ASXL2: variants seen among roughly 807,000 people sequenced by gnomAD.
ASXL2 encodes the protein putative Polycomb group protein ASXL2.
ASXL2 carries 23 observed loss-of-function variants against 122.0 expected under a neutral mutation model. That is an observed-to-expected ratio of 0.19 (90% CI 0.14 to 0.27). The LOEUF (loss-of-function observed/expected upper bound fraction) is 0.27. ASXL2 is among the 10% of genes least tolerant of loss of function. ASXL2 has a pLI of 1.00. For missense variants in ASXL2, 1,518 were observed against 1,713.8 expected, an observed-to-expected ratio of 0.89 and a Z score of 2.02; for synonymous variants, 650 against 637.0, an observed-to-expected ratio of 1.02 and a Z score of -0.31.
intron 11 of ASXL2, 145 bp from the exon 12 acceptor site, chr2:25,750,558 T>A: frequency 1.3e-6 from 1 of 742,896 alleles, no homozygotes; most frequent in Non-Finnish European, 2.1e-6. Flanking sequence ...CTATTAGTAG[T>A]AGTGAAAGTT....
At chr2:25,856,763 C>A in intron 1 of ASXL2, 1 of 1,299,798 alleles carries the variant, frequency 7.7e-7, no homozygotes, top group Non-Finnish European at 1.1e-6. Context: ...AGCTGCAGAC[C>A]TTCTTCTCAA....
At position 25,736,365 on chromosome 2, in the gene ASXL2, T is replaced by C. The variant is rs562968249; in HGVS notation, c.*5664A>G. 2.6e-5 allele frequency: 4 copies of C among 152,344 alleles called. No individual in the cohort carries two copies. In the East Asian group the frequency reaches 7.7e-4, roughly 29 times the overall value. 9.4% of individuals were successfully genotyped at this position (152,344 alleles called of 1,614,324 possible). On this transcript the variant is annotated 3_prime_UTR_variant, in exon 13 of 13. Transcript: ENST00000435504. ...AGACCCATCTAAATAATGATAAATATGTACCAGAAATGGGGAGTCAATCTT... is the reference window on the plus strand; with the variant it reads ...AGACCCATCTAAATAATGATAAATACGTACCAGAAATGGGGAGTCAATCTT...
Position 25,744,934 on chromosome 2 carries a change from T to TA in ASXL2, c.1861-459_1861-458insT, listed in dbSNP as rs1559498824. On this transcript the variant is annotated intron_variant, in intron 12 of 12. Transcript: ENST00000435504. The surrounding 1 kb of genome is among the most constrained non-coding windows in gnomAD (Gnocchi z 4.7). The stretch of plus-strand genomic sequence containing the variant: ...GGGGAAAATACTTGCTCTTCTCTGT[T>TA]CCACACACACACACACACACACACA... 2.6e-4 allele frequency among the ~76,000 whole-genome samples: 27 copies of TA among 102,718 alleles called. No individual in the cohort carries two copies. The highest frequency in any genetic ancestry group is 3.5e-4 in the South Asian group (1 of 2,852). 67.4% of individuals were successfully genotyped at this position (102,718 alleles called of 152,430 possible). A position where few individuals can be genotyped will look rare whatever the true frequency, so the allele number is the denominator to read the frequency against.
intron 8 of ASXL2, among the ~76,000 whole-genome samples, chr2:25,762,142 GA>G (rs2088262984): frequency 6.6e-6 from 1 of 152,032 alleles, no homozygotes; most frequent in South Asian, 2.1e-4. Context: ...TTACTTTTAA[GA>G]ATTAAAGACA....
intron 5 of ASXL2, among the ~76,000 whole-genome samples, chr2:25,773,375 C>G (rs1238039996): frequency 2.6e-5 from 4 of 151,488 alleles, no homozygotes; most frequent in African/African-American, 9.7e-5. Context: ...AAAAAGAAAT[C>G]ATAGCCTTGG....
At chr2:25,806,173 A>T in intron 4 of ASXL2, 56 bp downstream of exon 4, 1 of 1,111,324 alleles carries the variant, frequency 9.0e-7, no homozygotes. Flanking sequence ...TCAAATATTT[A>T]TATGTGGTCA....
In ASXL2 at chr2:25,742,398, G is replaced by A. The variant is rs771593827; in HGVS notation, c.3939C>T (p.Thr1313=). Residue 1313 remains threonine, a synonymous_variant, in exon 13 of 13, where the codon ACC becomes ACT. Transcript: ENST00000435504. The part of the protein sequence containing the change: ...HQPLLLPPLQ[T]PKLYGSPTQI... Reference sequence around the variant, plus strand: ...GGGTGGGGCTTCCATACAACTTCGGGGTTTGCAGGGGTGGAAGGAGTAGGG... The same window carrying A: ...GGGTGGGGCTTCCATACAACTTCGGAGTTTGCAGGGGTGGAAGGAGTAGGG... 5 of 1,476,448 alleles carry A rather than the reference G, an allele frequency of 3.4e-6. No individual in the cohort carries two copies. The Admixed American group carries it at 7.2e-5, about 21-fold the overall frequency. 91.5% of individuals were successfully genotyped at this position (1,476,448 alleles called of 1,614,324 possible). A position where few individuals can be genotyped will look rare whatever the true frequency, so the allele number is the denominator to read the frequency against.
At chr2:25,830,062 A>G (rs888769378) in intron 3 of ASXL2, among the ~76,000 whole-genome samples, 18 of 152,238 alleles carry the variant, frequency 1.2e-4, no homozygotes, top group Non-Finnish European at 2.4e-4. Flanking sequence ...GCAGAGGTCA[A>G]TGGGAGCCTC....
At chr2:25,808,670 C>G (rs1036796732) in intron 3 of ASXL2, among the ~76,000 whole-genome samples, 1 of 152,154 alleles carries the variant, frequency 6.6e-6, no homozygotes, top group Non-Finnish European at 1.5e-5. Flanking sequence ...CTGTATCAAG[C>G]CTTTTTTGTT....
At chr2:25,761,578 C>G (rs1010733043) in intron 8 of ASXL2, among the ~76,000 whole-genome samples, 4 of 148,162 alleles carry the variant, frequency 2.7e-5, no homozygotes, top group Admixed American at 7.0e-5. Flanking sequence ...GAGGCTGAGG[C>G]AGGAGAATGG....
At chr2:25,833,470 A>C (rs547827405) in intron 3 of ASXL2, among the ~76,000 whole-genome samples, 227 of 152,268 alleles carry the variant, frequency 1.5e-3, no homozygotes, top group African/African-American at 5.3e-3. Flanking sequence ...TGAGGTGGGC[A>C]GATCACTTGA....
chr2:25,783,287 C>T (rs888747416), intron 5 of ASXL2, among the ~76,000 whole-genome samples: 1 of 151,724 alleles, frequency 6.6e-6, no homozygotes, highest in African/African-American at 2.4e-5. Flanking sequence ...TTTTTGTGTA[C>T]TGTATTTTCC....
At chr2:25,826,157 T>G (rs1335210393) in intron 3 of ASXL2, among the ~76,000 whole-genome samples, 1 of 152,196 alleles carries the variant, frequency 6.6e-6, no homozygotes, top group Non-Finnish European at 1.5e-5. Context: ...TGGAAATCAG[T>G]AGTATAATGC....
Position 25,743,926 on chromosome 2 carries a change from T to C in ASXL2, c.2411A>G (p.Glu804Gly). ...TGTTGCTCTGGTGGGGTTCAGTTTTTCATTATCCAATTTCTCTATGTGGGC... is the reference window on the plus strand; with the variant it reads ...TGTTGCTCTGGTGGGGTTCAGTTTTCCATTATCCAATTTCTCTATGTGGGC... ...SPAHIEKLDN[E>G]KLNPTRATAT... The change falls in exon 13 of 13, where the codon GAA becomes GGA. Residue 804 changes from glutamate (E) to glycine (G), a missense_variant. Physicochemically the swap from Glu to Gly is moderately conservative, Grantham distance 98. Coordinates refer to ENST00000435504, the MANE Select transcript of ASXL2 (RefSeq NM_018263.6). 1 of 1,613,988 alleles carries C rather than the reference T, an allele frequency of 6.2e-7. No individual in the cohort carries two copies. The highest frequency in any genetic ancestry group is 1.1e-5 in the South Asian group (1 of 91,084).
intron 1 of ASXL2, among the ~76,000 whole-genome samples, chr2:25,851,944 A>T (rs1345955444): frequency 3.3e-5 from 5 of 152,194 alleles, no homozygotes; most frequent in Admixed American, 2.0e-4. Context: ...AAGAATGTGC[A>T]GACACACTAG....
rs2087727440 is a variant in ASXL2, at chr2:25,735,923, C to A, written c.*6106G>T. On this transcript the variant is annotated 3_prime_UTR_variant, in exon 13 of 13. Transcript: ENST00000435504. ...TTTCATAACTCATTTAAATTTTCAA[C>A]CTATCTTGGGAAAAAGGTAGTATTA... 1 of 152,158 alleles carries A rather than the reference C, an allele frequency of 6.6e-6. No individual in the cohort carries two copies. Among genetic ancestry groups the A allele is most frequent in the African/African-American group, 2.4e-5 (1 of 41,438 alleles). The allele number at this position is 152,158 out of a possible 1,614,324, so 9.4% of individuals were successfully genotyped here.
intron 1 of ASXL2, among the ~76,000 whole-genome samples, chr2:25,865,650 C>T (rs2089894533): frequency 6.7e-6 from 1 of 149,100 alleles, no homozygotes; most frequent in Non-Finnish European, 1.5e-5. Flanking sequence ...TGGCGGGCGC[C>T]TGTAGTCCCA....
chr2:25,844,828 G>C (rs184242924), intron 2 of ASXL2, among the ~76,000 whole-genome samples: 1 of 151,882 alleles, frequency 6.6e-6, no homozygotes, highest in East Asian at 1.9e-4. Flanking sequence ...GTAGAGATGA[G>C]GTTTCACTAT....
intron 4 of ASXL2, among the ~76,000 whole-genome samples, chr2:25,799,980 C>CAAA (rs35716821): frequency 1.1e-5 from 1 of 94,794 alleles, no homozygotes; most frequent in Non-Finnish European, 2.2e-5. Flanking sequence ...CCCGTCTCTA[C>CAAA]AAAAAAAAAA....
Sources: gnomAD v4.1 joint callset for allele counts (sites outside exome capture counted in the v4.1 genomes callset) on GRCh38, gnomAD v4.1.1 for gene constraint, Gnocchi (gnomAD v3.1) non-coding constraint, MANE v1.5 for transcripts, NCBI Gene and HGNC (gene_info 2026-07-23, HGNC 2026-07-21) for gene names.